Variants in TEAD1 observed in about 807,000 individuals in gnomAD.
TEAD1 encodes the protein transcriptional enhancer factor TEF-1.
TEAD1 carries 9 observed loss-of-function variants against 54.9 expected under a neutral mutation model. The observed-to-expected ratio is 0.16, with a 90% CI of 0.10 to 0.29. The LOEUF (loss-of-function observed/expected upper bound fraction) is 0.29, where lower values mean the gene tolerates loss of function less well. TEAD1 is among the 10% of genes least tolerant of loss of function. The pLI, the probability that TEAD1 is intolerant of heterozygous loss-of-function variation, is 1.00. For missense variants in TEAD1, 387 were observed against 535.9 expected (o/e 0.72, Z 2.74); for synonymous variants, 200 against 187.8 (o/e 1.07, Z -0.53).
At chr11:12,874,057 A>G (rs940129630) in intron 5 of TEAD1, among the ~76,000 whole-genome samples, 8 of 152,216 alleles carry the variant, frequency 5.3e-5, no homozygotes, top group East Asian at 1.9e-4. Flanking sequence ...GGACTTCTAT[A>G]TGAATAAATT....
chr11:12,760,317 A>C (rs1455137722), intron 2 of TEAD1, among the ~76,000 whole-genome samples: 2 of 152,218 alleles, frequency 1.3e-5, no homozygotes, highest in African/African-American at 4.8e-5. Flanking sequence ...ATTGGGATGA[A>C]ATTTAATTTG....
rs11316523 is a variant in TEAD1 at position 12,883,993 on chromosome 11, C to CA, written c.699+884dup. 1.8e-3 allele frequency among the ~76,000 whole-genome samples: 228 copies of CA among 128,416 alleles called. 1 individual carries two copies. Among genetic ancestry groups the CA allele is most frequent in the South Asian group, 4.7e-3 (20 of 4,230 alleles). The allele number at this position is 128,416 out of a possible 152,430, so 84.2% of individuals were successfully genotyped here. On this transcript the variant is annotated intron_variant, in intron 9 of 12. Coordinates refer to ENST00000527636, the MANE Select transcript of TEAD1 (RefSeq NM_021961.6). ...CTGGCGACAGAGCGAGACTCCGTCT[C>CA]AAAAAAAAAAAAAAAAGAAGAAGTA...
At chr11:12,821,581 C>G (rs1170992577) in intron 3 of TEAD1, among the ~76,000 whole-genome samples, 1 of 152,000 alleles carries the variant, frequency 6.6e-6, no homozygotes, top group Non-Finnish European at 1.5e-5. Flanking sequence ...AGCATGCAGT[C>G]GGAAACTATG....
chr11:12,751,430 G>T (rs1002052589), intron 2 of TEAD1, among the ~76,000 whole-genome samples: 10 of 152,228 alleles, frequency 6.6e-5, no homozygotes, highest in Non-Finnish European at 1.0e-4. Flanking sequence ...GCTGGCAAAG[G>T]TGCTACCTGT....
chr11:12,859,852 T>C (rs1164097453), intron 3 of TEAD1, among the ~76,000 whole-genome samples: 2 of 152,136 alleles, frequency 1.3e-5, no homozygotes, highest in Non-Finnish European at 1.5e-5. Context: ...GACGAGCCCG[T>C]ATGAAAAAGA....
intron 3 of TEAD1, chr11:12,823,577 A>G (rs1946594077): frequency 6.6e-6 from 1 of 152,196 alleles, no homozygotes; most frequent in East Asian, 1.9e-4. Context: ...TAGTTGGGAC[A>G]TGCAGGAGGA....
chr11:12,809,001 A>G (rs1321191360), intron 3 of TEAD1, among the ~76,000 whole-genome samples: 2 of 152,204 alleles, frequency 1.3e-5, no homozygotes, highest in Non-Finnish European at 2.9e-5. Flanking sequence ...GGGAATTTTC[A>G]TCCTGAGCTT....
intron 3 of TEAD1, among the ~76,000 whole-genome samples, chr11:12,842,296 A>G (rs147903307): frequency 7.6e-4 from 116 of 152,306 alleles, no homozygotes; most frequent in Non-Finnish European, 1.4e-3. Context: ...GAGAATACCT[A>G]TTGAAAACCC....
chr11:12,801,585 A>AG (rs953076860), intron 3 of TEAD1, among the ~76,000 whole-genome samples: 15 of 152,218 alleles, frequency 9.9e-5, no homozygotes, highest in Non-Finnish European at 2.2e-4. Context: ...TGAAGCTCAA[A>AG]GGGGTTTTCA....
intron 3 of TEAD1, among the ~76,000 whole-genome samples, chr11:12,769,031 T>C (rs1945263510): frequency 6.6e-6 from 1 of 152,138 alleles, no homozygotes; most frequent in African/African-American, 2.4e-5. Context: ...AAGATTCTAG[T>C]GCCCTAGGAT....
chr11:12,794,454 C>T (rs1260573502), intron 3 of TEAD1, among the ~76,000 whole-genome samples: 1 of 152,174 alleles, frequency 6.6e-6, no homozygotes, highest in African/African-American at 2.4e-5. Context: ...AAACAGCCCT[C>T]ATGGTGTTGA....
chr11:12,811,181 G>A (rs1946292962), intron 3 of TEAD1, among the ~76,000 whole-genome samples: 1 of 152,192 alleles, frequency 6.6e-6, no homozygotes, highest in African/African-American at 2.4e-5. Flanking sequence ...ATCTTTCTGG[G>A]GCTGCTGGGA....
chr11:12,875,078 C>G (rs1352645050), intron 5 of TEAD1, among the ~76,000 whole-genome samples: 2 of 152,186 alleles, frequency 1.3e-5, no homozygotes, highest in South Asian at 4.1e-4. Flanking sequence ...ATTAACCTAA[C>G]AGTTTTTCAG....
chr11:12,719,574 TGGGGGGAG>T (rs1944137744), intron 2 of TEAD1, among the ~76,000 whole-genome samples: 1 of 19,328 alleles, frequency 5.2e-5, no homozygotes, highest in East Asian at 2.3e-3. Context: ...TCCTTTTTTT[TGGGGGGAG>T]GGGGGGCGGG....
chr11:12,785,799 A>G (rs1023470571), intron 3 of TEAD1, among the ~76,000 whole-genome samples: 4 of 152,232 alleles, frequency 2.6e-5, no homozygotes, highest in African/African-American at 9.6e-5. Context: ...CATCGTGAGC[A>G]TATCTCTGAC....
At chr11:12,716,131 C>T (rs1001998796) in intron 2 of TEAD1, among the ~76,000 whole-genome samples, 2 of 151,924 alleles carry the variant, frequency 1.3e-5, no homozygotes, top group Non-Finnish European at 2.9e-5. Flanking sequence ...CTTTGTCTGT[C>T]GGCTTCCGGC....
intron 2 of TEAD1, among the ~76,000 whole-genome samples, chr11:12,695,106 C>T (rs938720673): frequency 5.9e-5 from 9 of 152,230 alleles, no homozygotes; most frequent in South Asian, 2.1e-4. Context: ...GCCAGGCTGG[C>T]GAGGGCCACT....
At chr11:12,678,576 A>G (rs1943146340) in intron 2 of TEAD1, among the ~76,000 whole-genome samples, 1 of 152,184 alleles carries the variant, frequency 6.6e-6, no homozygotes, top group Non-Finnish European at 1.5e-5. Flanking sequence ...CGCACTTCAT[A>G]TTCATGGTTG....
At chr11:12,918,939 A>T (rs1415288762) in intron 10 of TEAD1, among the ~76,000 whole-genome samples, 1 of 152,220 alleles carries the variant, frequency 6.6e-6, no homozygotes, top group Non-Finnish European at 1.5e-5. Flanking sequence ...CTAATGTGTG[A>T]TGTTTCAGGA....
Sources: gnomAD v4.1 joint callset for allele counts (sites outside exome capture counted in the v4.1 genomes callset) on GRCh38, gnomAD v4.1.1 for gene constraint, MANE v1.5 for transcripts, NCBI Gene and HGNC (gene_info 2026-07-23, HGNC 2026-07-21) for gene names.